The following GAS6 variants were observed in gnomAD, a reference collection of about 807,000 sequenced individuals.
GAS6 encodes growth arrest-specific protein 6.
In GAS6, 41 loss-of-function variants were observed where a neutral mutation model predicts 75.8. The ratio of observed to expected loss-of-function variants is 0.54; its 90% CI spans 0.42 to 0.70. GAS6 has a LOEUF of 0.70. GAS6 is among the 30% of genes least tolerant of loss of function. The probability of loss-of-function intolerance (pLI) is 0.00; values close to 1 mark genes in which losing one functional copy is unlikely to be tolerated. For missense variants in GAS6, 854 were observed against 940.2 expected, an observed-to-expected ratio of 0.91 and a Z score of 1.20; for synonymous variants, 432 against 412.6, an observed-to-expected ratio of 1.05 and a Z score of -0.57.
At chr13:113,827,239 G>A in intron 11 of GAS6, 75 bp from the exon 12 acceptor site, 2 of 1,484,198 alleles carry the variant, frequency 1.3e-6, no homozygotes, top group Non-Finnish European at 1.9e-6. Flanking sequence ...TCGGTGGGTG[G>A]CGCCTTCGCG....
At chr13:113,830,175 G>C (rs1332097724) in intron 10 of GAS6, among the ~76,000 whole-genome samples, 4 of 152,240 alleles carry the variant, frequency 2.6e-5, no homozygotes, top group Non-Finnish European at 1.5e-5. Context: ...ACACCTTTCA[G>C]GTATTTGGGT....
At chr13:113,829,120 TG>T (rs1327366345) in intron 10 of GAS6, among the ~76,000 whole-genome samples, 3 of 102,396 alleles carry the variant, frequency 2.9e-5, no homozygotes, top group East Asian at 2.6e-4. Flanking sequence ...GATCCTCACC[TG>T]GGCCAAGAGG....
At position 113,828,739 on chromosome 13, in the gene GAS6, G is replaced by A. The variant is rs1304909594; in HGVS notation, c.1144-28C>T. The A allele has an allele frequency of 3.1e-6, 5 of 1,608,224 alleles. No homozygotes were observed. The African/African-American group carries it at 4.0e-5, about 13-fold the overall frequency. On this transcript the variant is annotated intron_variant, in intron 10 of 14. Transcript: ENST00000327773. ...GAAGAGAGGCAGCGCCATGAGAAAA[G>A]ATGGGAGTGCACGTTCTGAAGGGGC... is the stretch of plus-strand genomic sequence containing the variant.
At chr13:113,853,136 C>A (rs1213498251) in intron 2 of GAS6, among the ~76,000 whole-genome samples, 1 of 152,224 alleles carries the variant, frequency 6.6e-6, no homozygotes, top group Non-Finnish European at 1.5e-5. Flanking sequence ...GCGGTGATGG[C>A]ACACAACACA....
chr13:113,835,327 TGTGTGCTCAC>T (rs2051688499), intron 7 of GAS6, among the ~76,000 whole-genome samples, 176 bp downstream of exon 7: 1 of 152,194 alleles, frequency 6.6e-6, no homozygotes, highest in South Asian at 2.1e-4. Flanking sequence ...TGGGTGCCTG[TGTGTGCTCAC>T]GTGTGTGCGG....
chr13:113,846,736 G>A (rs2051836776), intron 3 of GAS6, 147 bp from the exon 4 acceptor site: 2 of 665,366 alleles, frequency 3.0e-6, no homozygotes, highest in Admixed American at 2.6e-5. Flanking sequence ...CTTAGCTTGT[G>A]TTAATAAAAA....
chr13:113,826,508 GCA>G (rs1566354679), intron 12 of GAS6, among the ~76,000 whole-genome samples: 7 of 123,102 alleles, frequency 5.7e-5, no homozygotes, highest in African/African-American at 9.0e-5. Context: ...CGCCGGCCTC[GCA>G]GGCACCTTCT....
intron 12 of GAS6, among the ~76,000 whole-genome samples, chr13:113,824,800 GAA>G (rs2051513269): frequency 6.6e-6 from 1 of 152,164 alleles, no homozygotes; most frequent in Admixed American, 6.5e-5. Context: ...TTATGGCACC[GAA>G]ACACACAAAA....
intron 8 of GAS6, chr13:113,833,513 G>A (rs988932728): frequency 2.0e-5 from 20 of 993,542 alleles, no homozygotes; most frequent in Non-Finnish European, 2.4e-5. Flanking sequence ...GGCTGAAGAG[G>A]AAAGACAAGA....
chr13:113,857,981 G>A (rs984408501), intron 2 of GAS6, among the ~76,000 whole-genome samples: 4 of 152,252 alleles, frequency 2.6e-5, no homozygotes, highest in African/African-American at 9.6e-5. Context: ...CCGGGCCGGG[G>A]TCCACCTGCA....
chr13:113,823,598 C>CA (rs2051490800), intron 12 of GAS6, 48 bp from the exon 13 acceptor site: 2 of 1,551,656 alleles, frequency 1.3e-6, no homozygotes, highest in Admixed American at 1.8e-5. Flanking sequence ...GGTGGAGAGG[C>CA]CACAGTGAGG....
intron 14 of GAS6, chr13:113,821,412 G>GC (rs2051456385): frequency 4.1e-6 from 1 of 242,028 alleles, no homozygotes; most frequent in Non-Finnish European, 8.1e-6. Context: ...CCTGCCGTTT[G>GC]CCGCAAGTGA....
intron 6 of GAS6, 53 bp downstream of exon 6, chr13:113,838,016 A>G: frequency 6.2e-7 from 1 of 1,601,238 alleles, no homozygotes; most frequent in Non-Finnish European, 8.5e-7. Context: ...ACATGACCGA[A>G]AATAGAAGGT....
chr13:113,831,573 G>A (rs1566358874), intron 10 of GAS6, among the ~76,000 whole-genome samples: 1 of 152,018 alleles, frequency 6.6e-6, no homozygotes. Context: ...GGTCCCCTGG[G>A]GCTGAGAACC....
In GAS6 at chr13:113,863,590, C is replaced by T; in HGVS notation, c.240G>A (p.Glu80=). 1 of 1,518,142 alleles carries T rather than the reference C, an allele frequency of 6.6e-7. No individual in the cohort carries two copies. Among genetic ancestry groups the T allele is most frequent in the Non-Finnish European group, 8.8e-7 (1 of 1,134,572 alleles). 94.0% of individuals were successfully genotyped at this position (1,518,142 alleles called of 1,614,324 possible). ...CSREEAREVF[E]NDPETDYFYP... ...GGCTGCTCACCGTCTCGGGGTCGTT[C>T]TCGAACACCTCCCGCGCCTCCTCGC... Residue 80 remains glutamate, a synonymous_variant, in exon 2 of 15, where the codon GAG becomes GAA. Transcript: ENST00000327773. The surrounding 1 kb of genome is among the most constrained non-coding windows in gnomAD (Gnocchi z 9.4).
chr13:113,847,747 C>T (rs952037061), intron 3 of GAS6: 18 of 462,090 alleles, frequency 3.9e-5, no homozygotes, highest in African/African-American at 8.0e-5. Context: ...ATCAATTACA[C>T]GTCCTGACAA....
chr13:113,852,756 CAG>C (rs1469833682), intron 2 of GAS6, among the ~76,000 whole-genome samples: 2 of 152,256 alleles, frequency 1.3e-5, no homozygotes, highest in African/African-American at 4.8e-5. Flanking sequence ...GAGCTGCACA[CAG>C]GGTTCCCAGG....
At chr13:113,858,564 T>G (rs1251245262) in intron 2 of GAS6, among the ~76,000 whole-genome samples, 1 of 151,258 alleles carries the variant, frequency 6.6e-6, no homozygotes, top group South Asian at 2.1e-4. Flanking sequence ...TATGTGCCTT[T>G]GTGTGTGCAT....
chr13:113,858,892 T>C (rs1566376298), intron 2 of GAS6, among the ~76,000 whole-genome samples: 1 of 152,096 alleles, frequency 6.6e-6, no homozygotes, highest in Non-Finnish European at 1.5e-5. Context: ...TAAGTCTATG[T>C]GAATGTGTGC....
Sources: gnomAD v4.1 joint callset for allele counts (sites outside exome capture counted in the v4.1 genomes callset) on GRCh38, gnomAD v4.1.1 for gene constraint, Gnocchi (gnomAD v3.1) non-coding constraint, MANE v1.5 for transcripts, NCBI Gene and HGNC (gene_info 2026-07-23, HGNC 2026-07-21) for gene names.